SLC36A1: variants seen among roughly 807,000 people sequenced by gnomAD.
The protein encoded by SLC36A1 is solute carrier family 36 member 1, also known as proton-coupled amino acid transporter 1.
Under a neutral mutation model 47.5 loss-of-function variants are expected in SLC36A1, and 30 were observed. That is an observed-to-expected ratio of 0.63 (90% CI 0.47 to 0.86). SLC36A1 has a LOEUF of 0.86. Among genes scored for constraint, SLC36A1 ranks in the 40% least tolerant of loss-of-function variants. SLC36A1 has a pLI of 0.00. For missense variants in SLC36A1, 517 were observed against 606.0 expected, an observed-to-expected ratio of 0.85 and a Z score of 1.54; for synonymous variants, 255 against 249.7, an observed-to-expected ratio of 1.02 and a Z score of -0.20.
chr5:151,436,210 A>G (rs976386609), upstream of SLC36A1, among the ~76,000 whole-genome samples: 3 of 152,204 alleles, frequency 2.0e-5, no homozygotes, highest in Non-Finnish European at 2.9e-5. Flanking sequence ...ACTTACCCAG[A>G]AAGTTTCTTT....
chr5:151,528,387 G>A, the SLC36A1 span, among the ~76,000 whole-genome samples: 7 of 152,164 alleles, frequency 4.6e-5, no homozygotes, highest in Admixed American at 2.6e-4. Flanking sequence ...TGAGGAATGT[G>A]CTAAAATGAA....
chr5:151,420,289 A>T, the SLC36A1 span, among the ~76,000 whole-genome samples: 1 of 152,196 alleles, frequency 6.6e-6, no homozygotes, highest in Non-Finnish European at 1.5e-5. Context: ...TGGAGCTGTC[A>T]GTCAAATGAA....
chr5:151,392,614 T>C, the SLC36A1 span, among the ~76,000 whole-genome samples: 1 of 152,366 alleles, frequency 6.6e-6, no homozygotes, highest in Admixed American at 6.5e-5. Flanking sequence ...TTTGTTCTCA[T>C]TGGTTTCAAA....
At chr5:151,539,126 A>G in the SLC36A1 span, among the ~76,000 whole-genome samples, 245 of 152,226 alleles carry the variant, frequency 1.6e-3, 1 homozygote, top group African/African-American at 5.7e-3. Flanking sequence ...GAGGGAAAAG[A>G]GAAGGAAGGT....
At chr5:151,378,066 T>A in the SLC36A1 span, 1 of 332,004 alleles carries the variant, frequency 3.0e-6, no homozygotes, top group Non-Finnish European at 6.0e-6. Flanking sequence ...GGTGATGTGA[T>A]CTTCACTAAG....
chr5:151,507,045 G>T, the SLC36A1 span: 13 of 930,866 alleles, frequency 1.4e-5, no homozygotes, highest in Non-Finnish European at 2.1e-5. Context: ...CATCCCAAAG[G>T]GTTGGATGCG....
At chr5:151,505,123 C>T in the SLC36A1 span, 4 of 259,492 alleles carry the variant, frequency 1.5e-5, no homozygotes, top group African/African-American at 4.6e-5. Context: ...CTGTACGGCC[C>T]GCGTAGTGGT....
chr5:151,530,919 A>C, the SLC36A1 span, among the ~76,000 whole-genome samples: 4 of 152,118 alleles, frequency 2.6e-5, no homozygotes, highest in African/African-American at 9.7e-5. Context: ...GGTAAATTTT[A>C]AAAAATATTG....
intron 1 of SLC36A1, among the ~76,000 whole-genome samples, chr5:151,437,829 T>C (rs148458702): frequency 2.0e-5 from 3 of 152,194 alleles, no homozygotes; most frequent in Non-Finnish European, 4.4e-5. Context: ...AAGTCAGAGG[T>C]CCTAAAATCA....
the SLC36A1 span, chr5:151,527,922 C>T: frequency 6.4e-7 from 1 of 1,555,272 alleles, no homozygotes; most frequent in Non-Finnish European, 8.7e-7. Flanking sequence ...GACAGCGATT[C>T]ATCTTCTGGA....
At chr5:151,507,399 A>C in the SLC36A1 span, 1 of 1,614,218 alleles carries the variant, frequency 6.2e-7, no homozygotes, top group Admixed American at 1.7e-5. Flanking sequence ...GTCAACACCA[A>C]CACTCCTGGC....
At chr5:151,512,490 C>T in the SLC36A1 span, 15 of 1,614,060 alleles carry the variant, frequency 9.3e-6, no homozygotes, top group African/African-American at 2.7e-5. This position sits in a 1 kb window ranked among gnomAD's most constrained non-coding sequence, Gnocchi z 4.1. Flanking sequence ...TGGAAGCGTC[C>T]ATCTCCTCCA....
chr5:151,375,647 T>C, the SLC36A1 span, among the ~76,000 whole-genome samples: 1 of 152,218 alleles, frequency 6.6e-6, no homozygotes, highest in Non-Finnish European at 1.5e-5. Context: ...TCTAGATCAC[T>C]TTGGGCAGTA....
Position 151,488,210 on chromosome 5 carries a change from A to C in SLC36A1, c.1387A>C (p.Ser463Arg), listed in dbSNP as rs1759824421. ...GGCTCTCTATGAGCTGATCCAGCCAAGCAATGCTCCCATCTTCATCAATTC... is the reference window on the plus strand; with the variant it reads ...GGCTCTCTATGAGCTGATCCAGCCACGCAATGCTCCCATCTTCATCAATTC... ...YEALYELIQP[S>R]NAPIFINSTC... is the part of the protein sequence containing the mutation. The change falls in exon 11 of 11, where the codon AGC (serine) becomes CGC (arginine). Residue 463 changes from serine (S) to arginine (R), a missense_variant. Physicochemically the swap from Ser to Arg is moderately radical, Grantham distance 110. Transcript: ENST00000243389. The C allele has an allele frequency of 1.2e-6, 2 of 1,614,148 alleles. No individual in the cohort carries two copies. Among genetic ancestry groups the C allele is most frequent in the African/African-American group, 2.7e-5 (2 of 75,038 alleles).
the SLC36A1 span, among the ~76,000 whole-genome samples, chr5:151,421,531 C>A: frequency 4.6e-5 from 7 of 151,688 alleles, no homozygotes; most frequent in African/African-American, 1.7e-4. Context: ...CATGAGCCAC[C>A]ACGCCAGGCA....
chr5:151,512,260 T>G, the SLC36A1 span: 1 of 1,614,188 alleles, frequency 6.2e-7, no homozygotes, highest in East Asian at 2.2e-5. This position sits in a 1 kb window ranked among gnomAD's most constrained non-coding sequence, Gnocchi z 4.1. Flanking sequence ...GGCTTGTGTC[T>G]CCAGCAAGCC....
the SLC36A1 span, among the ~76,000 whole-genome samples, chr5:151,426,476 C>T: frequency 2.0e-5 from 3 of 151,890 alleles, no homozygotes; most frequent in Admixed American, 1.3e-4. Context: ...TTGATGTGCA[C>T]GTAGGCCAGG....
chr5:151,468,266 A>AAAAAAAAAAAAT (rs55642458), intron 7 of SLC36A1, among the ~76,000 whole-genome samples: 2 of 63,830 alleles, frequency 3.1e-5, no homozygotes, highest in African/African-American at 8.8e-5. Flanking sequence ...AAAAAAAAAA[A>AAAAAAAAAAAAT]ATATATATAT....
the SLC36A1 span, chr5:151,512,453 T>C: frequency 6.2e-7 from 1 of 1,614,218 alleles, no homozygotes. This position sits in a 1 kb window ranked among gnomAD's most constrained non-coding sequence, Gnocchi z 4.1. Context: ...AGGGAGGTGT[T>C]GCCCATGCTG....
Sources: gnomAD v4.1 joint callset for allele counts (sites outside exome capture counted in the v4.1 genomes callset) on GRCh38, gnomAD v4.1.1 for gene constraint, Gnocchi (gnomAD v3.1) non-coding constraint, MANE v1.5 for transcripts, NCBI Gene and HGNC (gene_info 2026-07-23, HGNC 2026-07-21) for gene names.